Variants in HADHA observed in about 807,000 individuals in gnomAD.
HADHA encodes trifunctional enzyme subunit alpha, mitochondrial.
A neutral mutation model predicts 91.3 loss-of-function variants in HADHA; 59 were observed. The observed-to-expected ratio is 0.65, with a 90% CI of 0.52 to 0.80. HADHA has a LOEUF of 0.80. Ranked by LOEUF, HADHA falls within the 30% of genes least tolerant of loss-of-function variation. The pLI is 0.00. For missense variants in HADHA, 800 were observed against 927.6 expected (o/e 0.86, Z 1.79); for synonymous variants, 320 against 338.9 (o/e 0.94, Z 0.61).
chr2:26,243,288 G>A (rs917577874), intron 1 of HADHA: 2 of 151,952 alleles, frequency 1.3e-5, no homozygotes, highest in African/African-American at 2.4e-5. Context: ...AAAATTACAC[G>A]TTACTTTTCA....
At chr2:26,225,670 A>C (rs1670469716) in intron 7 of HADHA, among the ~76,000 whole-genome samples, 2 of 152,194 alleles carry the variant, frequency 1.3e-5, no homozygotes, top group Admixed American at 1.3e-4. Flanking sequence ...TAGATGGAGA[A>C]AAGGCATGAC....
chr2:26,229,991 C>T lies in HADHA; in HGVS notation c.676+201G>A, dbSNP rs192153601. Among the ~76,000 whole-genome samples, 220 of 152,272 alleles carry T rather than the reference C, an allele frequency of 1.4e-3. 1 individual carries two copies. Among genetic ancestry groups the T allele is most frequent in the African/African-American group, 5.1e-3 (214 of 41,568 alleles). ...TACAGGTTTGCACCACCACACCCGGCTAATCATTTTTAGTGGAGACAGGGT... is the reference window on the plus strand; with the variant it reads ...TACAGGTTTGCACCACCACACCCGGTTAATCATTTTTAGTGGAGACAGGGT... On this transcript the variant is annotated intron_variant, in intron 7 of 19. Coordinates refer to ENST00000380649, the MANE Select transcript of HADHA (RefSeq NM_000182.5). This position sits in a 1 kb window ranked among gnomAD's most constrained non-coding sequence, Gnocchi z 4.3.
rs1423314926 is a variant in HADHA at position 26,191,280 on chromosome 2, A to T, written c.2262T>A (p.Ala754=). ...FTPCQLLADH[A]NSPNKKFYQ ...GGTAGAACTTCTTGTTAGGGCTGTT[A>T]GCATGGTCAGCTAGCAGCTGGCATG... The change falls in exon 20 of 20, where the codon GCT becomes GCA. Residue 754 remains alanine, a synonymous_variant. Coordinates refer to ENST00000380649, the MANE Select transcript of HADHA (RefSeq NM_000182.5). The T allele has an allele frequency of 6.2e-7, 1 of 1,613,062 alleles. No homozygotes were observed.
intron 1 of HADHA, among the ~76,000 whole-genome samples, chr2:26,240,610 A>G (rs1164676494): frequency 6.6e-6 from 1 of 152,168 alleles, no homozygotes; most frequent in East Asian, 1.9e-4. Context: ...GCACCTAAGC[A>G]AAAAAAGGAA....
chr2:26,191,178 C>T lies in HADHA; in HGVS notation c.*72G>A, dbSNP rs1291779477. The T allele has an allele frequency of 1.4e-6, 2 of 1,456,432 alleles. No homozygotes were observed. Among genetic ancestry groups the T allele is most frequent in the African/African-American group, 1.4e-5 (1 of 71,884 alleles). 90.2% of individuals were successfully genotyped at this position (1,456,432 alleles called of 1,614,324 possible). A position where few individuals can be genotyped will look rare whatever the true frequency, so the allele number is the denominator to read the frequency against. On this transcript the variant is annotated 3_prime_UTR_variant, in exon 20 of 20. Transcript: ENST00000380649. Reference sequence around the variant, plus strand: ...CTCGTTACTCTGATAAATCTAGACACCACTCTGTTGGAGAACCAGCACTGC... The same window carrying T: ...CTCGTTACTCTGATAAATCTAGACATCACTCTGTTGGAGAACCAGCACTGC...
At chr2:26,222,266 C>T (rs2147774644) in intron 7 of HADHA, among the ~76,000 whole-genome samples, 1 of 152,320 alleles carries the variant, frequency 6.6e-6, no homozygotes, top group South Asian at 2.1e-4. Flanking sequence ...ACCAAACCTG[C>T]TAACACCTGA....
chr2:26,201,452 G>A, intron 12 of HADHA, 132 bp from the exon 13 acceptor site: 2 of 657,500 alleles, frequency 3.0e-6, no homozygotes, highest in South Asian at 3.7e-5. Flanking sequence ...CCATTTTGAG[G>A]GAGACTTTCA....
intron 7 of HADHA, among the ~76,000 whole-genome samples, chr2:26,218,987 A>G (rs1250127766): frequency 8.0e-6 from 1 of 124,800 alleles, no homozygotes; most frequent in Non-Finnish European, 1.7e-5. Context: ...AGCCTGGGCA[A>G]CAGAGCAAGA....
In HADHA at chr2:26,239,734, A is replaced by G. The variant is rs116322380; in HGVS notation, c.68-591T>C. ...GGCAAGGTGACACATTAAAAAAAAA[A>G]AAAGAAAGAAAACTGTGGTTAGCAC... On this transcript the variant is annotated intron_variant, in intron 1 of 19. Transcript: ENST00000380649. Among the ~76,000 whole-genome samples the G allele has an allele frequency of 9.4e-3, 1,425 of 152,212 alleles. 26 individuals are homozygous for G. The highest frequency in any genetic ancestry group is 0.032 in the African/African-American group (1,313 of 41,508).
intron 12 of HADHA, among the ~76,000 whole-genome samples, chr2:26,203,226 C>T (rs1054824586): frequency 1.3e-5 from 2 of 152,194 alleles, no homozygotes; most frequent in Admixed American, 6.5e-5. Flanking sequence ...GTGAGCTTCT[C>T]TGCAGAAAAG....
chr2:26,193,166 CT>C (rs112860486), intron 17 of HADHA, among the ~76,000 whole-genome samples: 1 of 151,932 alleles, frequency 6.6e-6, no homozygotes, highest in African/African-American at 2.4e-5. Context: ...GATTTCATCT[CT>C]GGGGGATAAA....
Position 26,203,160 on chromosome 2 carries a change from A to G in HADHA, c.1220+902T>C, listed in dbSNP as rs141542151. 4.3e-3 allele frequency among the ~76,000 whole-genome samples: 656 copies of G among 152,368 alleles called. 5 individuals carry two copies. The highest frequency in any genetic ancestry group is 0.015 in the African/African-American group (633 of 41,582). On this transcript the variant is annotated intron_variant, in intron 12 of 19. Coordinates refer to ENST00000380649, the MANE Select transcript of HADHA (RefSeq NM_000182.5). ...CTACTACAACTTGTTATCTTACAAT[A>G]ATCTGCCAACACGATGAAACCTGCC...
chr2:26,226,419 C>G (rs1466363360), intron 7 of HADHA, among the ~76,000 whole-genome samples: 2 of 152,136 alleles, frequency 1.3e-5, no homozygotes, highest in Non-Finnish European at 2.9e-5. Flanking sequence ...TGCTTAATTT[C>G]AGGATTCCCT....
chr2:26,230,925 T>A (rs967185972), intron 6 of HADHA, among the ~76,000 whole-genome samples: 26 of 151,900 alleles, frequency 1.7e-4, no homozygotes, highest in Non-Finnish European at 3.5e-4. Flanking sequence ...GTCCCAAAAA[T>A]AAAATAAAAT....
In HADHA at chr2:26,214,503, C is replaced by T. The variant is rs373864418; in HGVS notation, c.858G>A (p.Val286=). 66 of 1,609,586 alleles carry T rather than the reference C, an allele frequency of 4.1e-5. 1 individual carries two copies. In the East Asian group the frequency reaches 5.8e-4, roughly 14 times the overall value. Residue 286 remains valine, a synonymous_variant, in exon 9 of 20, where the codon GTG becomes GTA. Coordinates refer to ENST00000380649, the MANE Select transcript of HADHA (RefSeq NM_000182.5). The surrounding 1 kb of genome is among the most constrained non-coding windows in gnomAD (Gnocchi z 4.1). ...PFVRQQVYKK[V]EEKVRKQTKG... ...TAGTCTGCTTTCGCACTTTTTCTTC[C>T]ACTTTTTTGTAAACCTGTTGCCTGA...
chr2:26,244,344 TGA>T (rs765165830), intron 1 of HADHA, among the ~76,000 whole-genome samples, 184 bp downstream of exon 1: 1 of 152,030 alleles, frequency 6.6e-6, no homozygotes, highest in South Asian at 2.1e-4. Context: ...GCAGGAGTCG[TGA>T]GAGGGGAAGT....
chr2:26,192,550 G>T (rs1012620999), intron 17 of HADHA, 126 bp from the exon 18 acceptor site: 15 of 712,760 alleles, frequency 2.1e-5, no homozygotes, highest in Admixed American at 1.3e-4. Context: ...ACTTTGGGAG[G>T]CCGAGGCGGA....
intron 13 of HADHA, 76 bp downstream of exon 13, chr2:26,201,073 T>C: frequency 9.2e-7 from 1 of 1,086,258 alleles, no homozygotes; most frequent in Non-Finnish European, 1.4e-6. Context: ...GAGTTTCCTA[T>C]AGCTCCTTTA....
chr2:26,228,726 C>G (rs1355528052), intron 7 of HADHA, among the ~76,000 whole-genome samples: 1 of 152,138 alleles, frequency 6.6e-6, no homozygotes, highest in African/African-American at 2.4e-5. Context: ...GGCTGGAGTG[C>G]AGTGGTGTGA....
Sources: allele counts gnomAD v4.1 joint callset (sites outside exome capture counted in the v4.1 genomes callset), GRCh38; gene constraint gnomAD v4.1.1; non-coding constraint Gnocchi (gnomAD v3.1); transcripts MANE v1.5; gene names NCBI Gene and HGNC (gene_info 2026-07-23, HGNC 2026-07-21).